AGBL1: variants seen among roughly 807,000 people sequenced by gnomAD.
The protein encoded by AGBL1 is AGBL carboxypeptidase 1.
In AGBL1, 130 loss-of-function variants were observed where a neutral mutation model predicts 118.9. That is an observed-to-expected ratio of 1.09 (90% CI 0.95 to 1.26). The LOEUF (loss-of-function observed/expected upper bound fraction) is 1.26. AGBL1 is among the 50% of genes most tolerant of loss of function. The pLI is 0.00. For missense variants in AGBL1, 1,584 were observed against 1,298.1 expected, an observed-to-expected ratio of 1.22 and a Z score of -3.38; for synonymous variants, 555 against 478.9, an observed-to-expected ratio of 1.16 and a Z score of -2.08.
chr15:86,184,097 G>A (rs1449011217), intron 5 of AGBL1, among the ~76,000 whole-genome samples: 6 of 152,202 alleles, frequency 3.9e-5, no homozygotes, highest in African/African-American at 1.4e-4. Flanking sequence ...TGATAGAGAT[G>A]TGATTTCCAA....
At chr15:86,628,668 C>T (rs1051751240) in intron 21 of AGBL1, among the ~76,000 whole-genome samples, 10 of 151,714 alleles carry the variant, frequency 6.6e-5, no homozygotes, top group South Asian at 2.1e-4. Flanking sequence ...TGGTGGTGGG[C>T]GCCTGTAGTC....
Position 86,803,909 on chromosome 15 carries a change from G to A in AGBL1, c.3159-103178G>A, listed in dbSNP as rs145816517. ...CCTACAATTCACAGGTCAGCCCCTC[G>A]CAATAAAGAATTACTTGGCTCATTG... On this transcript the variant is annotated intron_variant, in intron 22 of 22. Transcript: ENST00000614907. 2.7e-3 allele frequency among the ~76,000 whole-genome samples: 417 copies of A among 152,188 alleles called. 3 individuals carry two copies. The highest frequency in any genetic ancestry group is 9.1e-3 in the African/African-American group (377 of 41,528).
intron 22 of AGBL1, among the ~76,000 whole-genome samples, chr15:86,709,526 T>C (rs1167963860): frequency 6.6e-6 from 1 of 152,176 alleles, no homozygotes; most frequent in African/African-American, 2.4e-5. Context: ...CCTTTCTGTA[T>C]TTCATGGCTA....
At chr15:86,228,574 C>G (rs560045644) in intron 6 of AGBL1, among the ~76,000 whole-genome samples, 42 of 152,256 alleles carry the variant, frequency 2.8e-4, no homozygotes, top group African/African-American at 9.9e-4. Context: ...GAGGCCCTAT[C>G]AAGTAGTGAC....
chr15:86,524,861 C>T (rs1255138891), intron 19 of AGBL1, among the ~76,000 whole-genome samples: 2 of 152,124 alleles, frequency 1.3e-5, no homozygotes, highest in Non-Finnish European at 2.9e-5. Context: ...AAAGTGGATT[C>T]TTTTCTCTTA....
At chr15:86,470,478 G>C (rs1440706990) in intron 18 of AGBL1, among the ~76,000 whole-genome samples, 1 of 151,932 alleles carries the variant, frequency 6.6e-6, no homozygotes, top group Non-Finnish European at 1.5e-5. Context: ...CAAGTTCGTG[G>C]TATGCTTTGT....
intron 21 of AGBL1, chr15:86,556,429 T>C: frequency 3.1e-6 from 2 of 654,398 alleles, no homozygotes; most frequent in Non-Finnish European, 5.4e-6. Flanking sequence ...ATTCTCTATA[T>C]GAAAAACACT....
At chr15:86,436,505 A>G (rs551139290) in intron 18 of AGBL1, among the ~76,000 whole-genome samples, 35 of 152,244 alleles carry the variant, frequency 2.3e-4, no homozygotes, top group African/African-American at 7.9e-4. Flanking sequence ...GAAGAGTTTC[A>G]GGGCCAGGAA....
intron 17 of AGBL1, among the ~76,000 whole-genome samples, chr15:86,357,931 G>A (rs2080746772): frequency 6.6e-6 from 1 of 152,052 alleles, no homozygotes; most frequent in Non-Finnish European, 1.5e-5. Flanking sequence ...TAAGAGGTAT[G>A]CAACATGATG....
intron 22 of AGBL1, among the ~76,000 whole-genome samples, chr15:86,874,654 G>A (rs1204889344): frequency 6.6e-6 from 1 of 152,134 alleles, no homozygotes; most frequent in Admixed American, 6.5e-5. Context: ...GGCACAGGAG[G>A]AAGAAGAAAT....
intron 18 of AGBL1, among the ~76,000 whole-genome samples, chr15:86,493,593 G>A (rs534536156): frequency 2.0e-5 from 3 of 152,052 alleles, no homozygotes; most frequent in East Asian, 3.9e-4. Context: ...CACTTTTGGA[G>A]GTCTGAGTCT....
chr15:86,090,865 A>G (rs1323720712), intron 1 of AGBL1, among the ~76,000 whole-genome samples: 1 of 152,086 alleles, frequency 6.6e-6, no homozygotes, highest in African/African-American at 2.4e-5. Flanking sequence ...TCTCTGCCAT[A>G]CTACTATTCA....
At chr15:86,099,590 A>T (rs1183965476) in intron 1 of AGBL1, among the ~76,000 whole-genome samples, 1 of 146,064 alleles carries the variant, frequency 6.8e-6, no homozygotes, top group Admixed American at 6.9e-5. Context: ...CCCAGGCTGG[A>T]GTGCAGTGGT....
At chr15:86,263,027 A>G (rs2079017814) in intron 10 of AGBL1, 133 bp downstream of exon 10, 4 of 681,346 alleles carry the variant, frequency 5.9e-6, no homozygotes, top group Non-Finnish European at 1.0e-5. Context: ...GCTCTTCCTT[A>G]GAGAAAAGCA....
At chr15:86,640,400 C>A (rs758305496) in intron 21 of AGBL1, among the ~76,000 whole-genome samples, 1 of 151,908 alleles carries the variant, frequency 6.6e-6, no homozygotes, top group East Asian at 1.9e-4. Flanking sequence ...ATAGAAGAAA[C>A]CATTGTTAAT....
chr15:86,144,372 G>A (rs1208288896), intron 3 of AGBL1, among the ~76,000 whole-genome samples: 1 of 152,134 alleles, frequency 6.6e-6, no homozygotes, highest in African/African-American at 2.4e-5. Flanking sequence ...GCATGCATTT[G>A]TTCATTGCAG....
At position 86,880,167 on chromosome 15, in the gene AGBL1, T is replaced by C. The variant is rs1416645535; in HGVS notation, c.3159-26920T>C. ...TCATCAGACAATGGAATCTCCGAGC[T>C]TGCTGAATCTCAGCTTTAGGTACCA... On this transcript the variant is annotated intron_variant, in intron 22 of 22. Transcript: ENST00000614907. 2.0e-5 allele frequency among the ~76,000 whole-genome samples: 3 copies of C among 152,226 alleles called. No homozygotes were observed. The East Asian group carries it at 5.8e-4, about 29-fold the overall frequency.
At chr15:86,858,168 G>A (rs2079509996) in intron 22 of AGBL1, among the ~76,000 whole-genome samples, 1 of 152,078 alleles carries the variant, frequency 6.6e-6, no homozygotes, top group South Asian at 2.1e-4. Context: ...TCCTGGAGGG[G>A]GACATGTTCA....
At chr15:86,475,764 C>G (rs1018585243) in intron 18 of AGBL1, among the ~76,000 whole-genome samples, 8 of 152,124 alleles carry the variant, frequency 5.3e-5, no homozygotes, top group African/African-American at 1.9e-4. Context: ...CTTCAAGACA[C>G]ATAATTGTCA....
Sources: allele counts gnomAD v4.1 joint callset (sites outside exome capture counted in the v4.1 genomes callset), GRCh38; gene constraint gnomAD v4.1.1; transcripts MANE v1.5; gene names NCBI Gene and HGNC (gene_info 2026-07-23, HGNC 2026-07-21).